The following PPP1CB variants were observed in gnomAD, a reference collection of about 807,000 sequenced individuals.
PPP1CB encodes the protein protein phosphatase 1 catalytic subunit beta.
In PPP1CB, 2 loss-of-function variants were observed where a neutral mutation model predicts 43.7. That is an observed-to-expected ratio of 0.05 (90% confidence interval 0.02 to 0.14). The LOEUF (loss-of-function observed/expected upper bound fraction) is 0.14, where lower values mean the gene tolerates loss of function less well. Among genes scored for constraint, PPP1CB ranks in the 10% least tolerant of loss-of-function variants. The pLI is 1.00. For synonymous variants in PPP1CB, 136 were observed against 135.6 expected (o/e 1.00, Z -0.02); for missense variants, 84 against 398.0 (o/e 0.21, Z 6.71).
At chr2:28,777,874 GAATTCCT>G (rs1667074510) in intron 2 of PPP1CB, among the ~76,000 whole-genome samples, 1 of 152,170 alleles carries the variant, frequency 6.6e-6, no homozygotes, top group Non-Finnish European at 1.5e-5. Context: ...GGCTGGTTCT[GAATTCCT>G]GACCTCAGGT....
chr2:28,770,380 A>AG (rs1666877395), intron 1 of PPP1CB, among the ~76,000 whole-genome samples: 2 of 16,424 alleles, frequency 1.2e-4, no homozygotes, highest in Non-Finnish European at 2.5e-4. Flanking sequence ...AAGTAAAAAA[A>AG]AGGGGGGGGG....
intron 1 of PPP1CB, among the ~76,000 whole-genome samples, chr2:28,769,558 C>G (rs1666857749): frequency 6.6e-6 from 1 of 152,144 alleles, no homozygotes; most frequent in Non-Finnish European, 1.5e-5. Context: ...AATATTAAAG[C>G]AAGTTCTTTG....
intron 5 of PPP1CB, among the ~76,000 whole-genome samples, chr2:28,784,999 G>A (rs186375279): frequency 2.0e-5 from 3 of 146,742 alleles, no homozygotes; most frequent in African/African-American, 7.5e-5. Flanking sequence ...CATTATAAAT[G>A]GTATAGATCC....
At chr2:28,756,559 C>T (rs1221069726) in intron 1 of PPP1CB, among the ~76,000 whole-genome samples, 1 of 152,218 alleles carries the variant, frequency 6.6e-6, no homozygotes, top group African/African-American at 2.4e-5. Flanking sequence ...TCATGGCTCA[C>T]TGCAGCCTCG....
chr2:28,753,571 C>T (rs992535818), intron 1 of PPP1CB, among the ~76,000 whole-genome samples: 4 of 152,148 alleles, frequency 2.6e-5, no homozygotes, highest in Non-Finnish European at 1.5e-5. Flanking sequence ...TGTTCACTAC[C>T]TAAGACTTTG....
intron 4 of PPP1CB, among the ~76,000 whole-genome samples, chr2:28,782,260 CAATAAAAT>C (rs1393872188): frequency 1.3e-5 from 2 of 151,992 alleles, no homozygotes; most frequent in Non-Finnish European, 1.5e-5. Context: ...TTAGTATTAA[CAATAAAAT>C]AATAAAATAA....
intron 1 of PPP1CB, among the ~76,000 whole-genome samples, chr2:28,760,184 A>G (rs949839126): frequency 6.6e-6 from 1 of 152,212 alleles, no homozygotes; most frequent in African/African-American, 2.4e-5. Flanking sequence ...AAAAATAGGA[A>G]AAGGCTTAAT....
chr2:28,782,638 G>C (rs1667178629), intron 4 of PPP1CB: 1 of 152,314 alleles, frequency 6.6e-6, no homozygotes, highest in Non-Finnish European at 1.5e-5. Context: ...GTAAGAACTG[G>C]CCTGACTAGA....
chr2:28,789,408 C>T (rs553349208), intron 6 of PPP1CB, among the ~76,000 whole-genome samples: 3 of 151,354 alleles, frequency 2.0e-5, no homozygotes, highest in African/African-American at 7.3e-5. Flanking sequence ...ACGTGGGAGG[C>T]TGAGGTGGGA....
At chr2:28,761,700 C>G (rs1423068770) in intron 1 of PPP1CB, among the ~76,000 whole-genome samples, 1 of 152,176 alleles carries the variant, frequency 6.6e-6, no homozygotes, top group Non-Finnish European at 1.5e-5. Flanking sequence ...GTACGTATAA[C>G]AGTTTCTTTA....
chr2:28,766,839 T>C (rs1666787501), intron 1 of PPP1CB, among the ~76,000 whole-genome samples: 1 of 152,188 alleles, frequency 6.6e-6, no homozygotes, highest in Non-Finnish European at 1.5e-5. Flanking sequence ...CCCAGCACTT[T>C]GGGAGGCCAA....
At chr2:28,771,204 C>T (rs146661532) in intron 1 of PPP1CB, among the ~76,000 whole-genome samples, 29 of 152,188 alleles carry the variant, frequency 1.9e-4, no homozygotes, top group African/African-American at 6.7e-4. Context: ...CAGGCACCTG[C>T]CATCACGCCT....
intron 1 of PPP1CB, among the ~76,000 whole-genome samples, chr2:28,757,540 T>A (rs1176032334): frequency 3.3e-5 from 5 of 152,188 alleles, no homozygotes; most frequent in Non-Finnish European, 1.5e-5. Context: ...AAGTGTCAGT[T>A]GTTGCCGACA....
rs376937599 is a variant in PPP1CB, at chr2:28,783,908, A to T, written c.522A>T (p.Gly174=). 5 of 1,609,888 alleles carry T rather than the reference A, an allele frequency of 3.1e-6. No homozygotes were observed. Among genetic ancestry groups the T allele is most frequent in the Non-Finnish European group, 4.2e-6 (5 of 1,176,536 alleles). Residue 174 remains glycine, a splice_region_variant and synonymous_variant, in exon 5 of 8, where the codon GGA becomes GGT. Transcript: ENST00000395366. Reference sequence around the variant, plus strand: ...TATGTCTCATCTTTTTATTTATAGGATTGTCACCAGACCTGCAATCTATGG... The same window carrying T: ...TATGTCTCATCTTTTTATTTATAGGTTTGTCACCAGACCTGCAATCTATGG... The part of the protein sequence containing the change: ...VDEKIFCCHG[G]LSPDLQSMEQ...
At chr2:28,791,868 C>T (rs1371488554) in intron 6 of PPP1CB, among the ~76,000 whole-genome samples, 1 of 152,064 alleles carries the variant, frequency 6.6e-6, no homozygotes, top group Non-Finnish European at 1.5e-5. Flanking sequence ...CTGCCAAAAT[C>T]CTTCTATTGT....
At chr2:28,774,595 C>A (rs1374686217) in intron 1 of PPP1CB, among the ~76,000 whole-genome samples, 1 of 151,974 alleles carries the variant, frequency 6.6e-6, no homozygotes, top group Non-Finnish European at 1.5e-5. Flanking sequence ...CCGGCTAATT[C>A]TTGTATTTTT....
intron 5 of PPP1CB, among the ~76,000 whole-genome samples, chr2:28,785,816 A>T (rs989733449): frequency 3.9e-5 from 6 of 152,048 alleles, no homozygotes; most frequent in Non-Finnish European, 7.3e-5. Context: ...CTTTCAAAAA[A>T]CACCCAAAGT....
At chr2:28,771,055 C>CCCCCCCCCCT (rs1558302176) in intron 1 of PPP1CB, among the ~76,000 whole-genome samples, 1 of 59,600 alleles carries the variant, frequency 1.7e-5, no homozygotes, top group Non-Finnish European at 3.2e-5. Context: ...CCCCCCCACC[C>CCCCCCCCCCT]TTTTTTTTTT....
In PPP1CB at chr2:28,788,828, T is replaced by G; in HGVS notation, c.744+19T>G. The G allele has an allele frequency of 1.3e-6, 2 of 1,566,976 alleles. No homozygotes were observed. Among genetic ancestry groups the G allele is most frequent in the Non-Finnish European group, 1.7e-6 (2 of 1,164,106 alleles). Reference sequence around the variant, plus strand: ...TCATCAGGTATGAAATATAAAACTCTTAAGCTTTTTCTTTTTTCTTTCTTT... The same window carrying G: ...TCATCAGGTATGAAATATAAAACTCGTAAGCTTTTTCTTTTTTCTTTCTTT... On this transcript the variant is annotated intron_variant, in intron 6 of 7. Coordinates refer to ENST00000395366, the MANE Select transcript of PPP1CB (RefSeq NM_002709.3).
Sources: gnomAD v4.1 joint callset for allele counts (sites outside exome capture counted in the v4.1 genomes callset) on GRCh38, gnomAD v4.1.1 for gene constraint, MANE v1.5 for transcripts, NCBI Gene and HGNC (gene_info 2026-07-23, HGNC 2026-07-21) for gene names.